Variants in MACROD2 observed in about 807,000 individuals in gnomAD.
MACROD2 encodes the protein mono-ADP ribosylhydrolase 2, also known as ADP-ribose glycohydrolase MACROD2.
MACROD2 carries 36 observed loss-of-function variants against 70.4 expected under a neutral mutation model. The ratio of observed to expected loss-of-function variants is 0.51; its 90% CI spans 0.39 to 0.68. The LOEUF is 0.68. Among genes scored for constraint, MACROD2 ranks in the 30% least tolerant of loss-of-function variants. MACROD2 has a pLI of 0.00. For missense variants in MACROD2, 496 were observed against 538.4 expected, an observed-to-expected ratio of 0.92 and a Z score of 0.78; for synonymous variants, 172 against 178.8, an observed-to-expected ratio of 0.96 and a Z score of 0.30.
chr20:14,179,934 A>T (rs552409759), intron 3 of MACROD2, among the ~76,000 whole-genome samples: 1 of 152,192 alleles, frequency 6.6e-6, no homozygotes, highest in South Asian at 2.1e-4. Context: ...TAAATAAGAT[A>T]TAATTTTCCA....
At chr20:14,834,442 T>G (rs1450337192) in intron 5 of MACROD2, among the ~76,000 whole-genome samples, 1 of 151,960 alleles carries the variant, frequency 6.6e-6, no homozygotes, top group Non-Finnish European at 1.5e-5. Flanking sequence ...GCAATGATAG[T>G]GAAAGATTGA....
At chr20:15,043,203 G>A (rs796584303) in intron 5 of MACROD2, among the ~76,000 whole-genome samples, 101 of 152,266 alleles carry the variant, frequency 6.6e-4, no homozygotes, top group African/African-American at 2.4e-3. Flanking sequence ...TTCCACAGAC[G>A]CATTTTATTT....
chr20:14,689,944 T>A lies in MACROD2; in HGVS notation c.418+4985T>A, dbSNP rs191898644. On this transcript the variant is annotated intron_variant, in intron 5 of 17. Transcript: ENST00000684519. ...TAGTAGGTGGAATATAAAGGAAAAA[T>A]TATGCTAATATTCATAAGAAATTAT... is the stretch of plus-strand genomic sequence containing the variant. Among the ~76,000 whole-genome samples, 292 of 152,210 alleles carry A rather than the reference T, an allele frequency of 1.9e-3. 1 individual carries two copies. Among genetic ancestry groups the A allele is most frequent in the Non-Finnish European group, 2.1e-3 (143 of 67,994 alleles).
intron 4 of MACROD2, among the ~76,000 whole-genome samples, chr20:14,570,201 G>T (rs1980095319): frequency 6.6e-6 from 1 of 152,032 alleles, no homozygotes; most frequent in Non-Finnish European, 1.5e-5. Flanking sequence ...ACAACGGCAT[G>T]GATTAATTTC....
intron 4 of MACROD2, among the ~76,000 whole-genome samples, chr20:14,537,818 G>T (rs2085384389): frequency 6.6e-6 from 1 of 152,144 alleles, no homozygotes; most frequent in Non-Finnish European, 1.5e-5. Context: ...TAGTCCGAAG[G>T]TAGACAATTC....
chr20:14,824,809 A>C (rs972257928), intron 5 of MACROD2, among the ~76,000 whole-genome samples: 1 of 152,106 alleles, frequency 6.6e-6, no homozygotes, highest in African/African-American at 2.4e-5. Flanking sequence ...GAGGCCATGA[A>C]AGAAACTTTC....
In MACROD2 at chr20:14,053,073, CTCT is replaced by C. The variant is rs1485106156; in HGVS notation, c.164-32543_164-32541del. ...AGAGAGAATTTTGTATTATTTTCTC[CTCT>C]TCTTTTTTTTTTTTTTTTCTAGCTT... is the stretch of plus-strand genomic sequence containing the variant. On this transcript the variant is annotated intron_variant, in intron 2 of 17. Transcript: ENST00000684519. The C allele has an allele frequency of 5.4e-5, 8 of 147,718 alleles. No homozygotes were observed. In the East Asian group the frequency reaches 7.9e-4, roughly 15 times the overall value. 9.2% of individuals were successfully genotyped at this position (147,718 alleles called of 1,614,324 possible).
At chr20:15,238,420 C>T (rs2077033077) in intron 6 of MACROD2, among the ~76,000 whole-genome samples, 1 of 151,942 alleles carries the variant, frequency 6.6e-6, no homozygotes, top group Non-Finnish European at 1.5e-5. Flanking sequence ...ATTCATCATG[C>T]AAATTACGGA....
At chr20:15,653,077 A>G (rs77582001) in intron 8 of MACROD2, among the ~76,000 whole-genome samples, 3,085 of 152,218 alleles carry the variant, frequency 0.02, 107 homozygotes, top group African/African-American at 0.071. Context: ...AACAAGTACA[A>G]ATTTCTAATT....
At chr20:15,120,113 TTAAC>T (rs1336869067) in intron 5 of MACROD2, among the ~76,000 whole-genome samples, 1 of 152,204 alleles carries the variant, frequency 6.6e-6, no homozygotes, top group Non-Finnish European at 1.5e-5. Context: ...ACATCCTAAA[TTAAC>T]TAAGAATGGT....
chr20:14,531,685 C>T (rs1043577335), intron 4 of MACROD2, among the ~76,000 whole-genome samples: 12 of 152,020 alleles, frequency 7.9e-5, no homozygotes, highest in Non-Finnish European at 7.4e-5. Context: ...TATAGTTTAC[C>T]AGATGTTCTC....
intron 8 of MACROD2, among the ~76,000 whole-genome samples, chr20:15,794,765 C>T (rs1356760291): frequency 5.9e-5 from 9 of 152,124 alleles, no homozygotes; most frequent in African/African-American, 1.7e-4. Flanking sequence ...GTTAAGCAGG[C>T]GGTTTGCATC....
intron 6 of MACROD2, among the ~76,000 whole-genome samples, chr20:15,259,413 G>A: frequency 6.6e-6 from 1 of 151,954 alleles, no homozygotes; most frequent in Admixed American, 6.6e-5. Context: ...CATTTGACAG[G>A]CAATGTTGTA....
chr20:14,388,946 C>T (rs1255955105), intron 3 of MACROD2, among the ~76,000 whole-genome samples: 6 of 151,664 alleles, frequency 4.0e-5, no homozygotes, highest in African/African-American at 1.5e-4. Flanking sequence ...GGCGTGATCT[C>T]GGTCCACTGC....
chr20:15,733,814 C>T (rs535866406), intron 8 of MACROD2, among the ~76,000 whole-genome samples: 1 of 152,240 alleles, frequency 6.6e-6, no homozygotes, highest in African/African-American at 2.4e-5. Flanking sequence ...GTATTTTTGC[C>T]TTATTTCCTC....
At chr20:15,505,810 T>C (rs1206285755) in intron 8 of MACROD2, among the ~76,000 whole-genome samples, 5 of 152,312 alleles carry the variant, frequency 3.3e-5, no homozygotes, top group Admixed American at 2.0e-4. Flanking sequence ...TTTTCTTTTA[T>C]ATAGGAGGAA....
intron 8 of MACROD2, among the ~76,000 whole-genome samples, chr20:15,532,001 A>G (rs1025337827): frequency 6.6e-5 from 10 of 152,158 alleles, no homozygotes; most frequent in Admixed American, 3.3e-4. Context: ...ACTAACATGT[A>G]TTGAGTACTG....
chr20:14,272,371 A>G (rs561108521), intron 3 of MACROD2, among the ~76,000 whole-genome samples: 3 of 152,138 alleles, frequency 2.0e-5, no homozygotes, highest in Non-Finnish European at 2.9e-5. Flanking sequence ...TTTTCAACCC[A>G]GAATTTCATA....
chr20:14,872,718 T>C (rs2073502739), intron 5 of MACROD2, among the ~76,000 whole-genome samples: 1 of 152,120 alleles, frequency 6.6e-6, no homozygotes, highest in African/African-American at 2.4e-5. Context: ...ATTATCATTA[T>C]TATTTTCATC....
Sources: allele counts gnomAD v4.1 joint callset (sites outside exome capture counted in the v4.1 genomes callset), GRCh38; gene constraint gnomAD v4.1.1; transcripts MANE v1.5; gene names NCBI Gene and HGNC (gene_info 2026-07-23, HGNC 2026-07-21).